The following STAB2 variants were observed in gnomAD, a reference collection of about 807,000 sequenced individuals.
STAB2 encodes the protein stabilin 2, also known as stabilin-2.
Under a neutral mutation model 338.1 loss-of-function variants are expected in STAB2, and 288 were observed. The ratio of observed to expected loss-of-function variants is 0.85; its 90% confidence interval spans 0.77 to 0.94. STAB2 has a LOEUF of 0.94. STAB2 is among the 40% of genes least tolerant of loss of function. The pLI is 0.00. For synonymous variants in STAB2, 1,202 were observed against 1,193.3 expected, an observed-to-expected ratio of 1.01 and a Z score of -0.15; for missense variants, 3,141 against 3,210.1, an observed-to-expected ratio of 0.98 and a Z score of 0.52.
At chr12:103,662,543 C>T (rs558090238) in intron 17 of STAB2, among the ~76,000 whole-genome samples, 4 of 152,284 alleles carry the variant, frequency 2.6e-5, no homozygotes, top group South Asian at 2.1e-4. Context: ...AAAGAATTTG[C>T]GCAAGGTCTC....
In STAB2 at chr12:103,594,485, T is replaced by G; in HGVS notation, c.306T>G (p.Pro102=). The part of the protein sequence containing the change: ...RKDYLQPRCC[P]GRWGPDCIEC... Reference sequence around the variant, plus strand: ...ACTATCTCCAACCTCGGTGTTGTCCTGGCCGCTGGGGCCCAGACTGTATAG... The same window carrying G: ...ACTATCTCCAACCTCGGTGTTGTCCGGGCCGCTGGGGCCCAGACTGTATAG... The change falls in exon 3 of 69, where the codon CCT becomes CCG. Residue 102 remains proline, a synonymous_variant. Coordinates refer to ENST00000388887, the MANE Select transcript of STAB2 (RefSeq NM_017564.10). The G allele has an allele frequency of 6.2e-7, 1 of 1,613,980 alleles. No homozygotes were observed. Among genetic ancestry groups the G allele is most frequent in the Non-Finnish European group, 8.5e-7 (1 of 1,179,838 alleles).
At chr12:103,697,800 T>C (rs1380652141) in intron 33 of STAB2, among the ~76,000 whole-genome samples, 1 of 152,258 alleles carries the variant, frequency 6.6e-6, no homozygotes, top group East Asian at 1.9e-4. Context: ...GATTCACTTA[T>C]GACCCCTAAA....
At chr12:103,598,159 G>A (rs1287630437) in intron 3 of STAB2, among the ~76,000 whole-genome samples, 1 of 152,078 alleles carries the variant, frequency 6.6e-6, no homozygotes, top group African/African-American at 2.4e-5. Flanking sequence ...AGTTTCCCAG[G>A]CAGACAAATC....
At position 103,622,118 on chromosome 12, in the gene STAB2, CT is replaced by C; in HGVS notation, c.487+8del. 1 of 1,614,134 alleles carries C rather than the reference CT, an allele frequency of 6.2e-7. No homozygotes were observed. ...GGACCCAGCTGTTCATCAGGTATGT[CT>C]GATTTTTGTGTAATCACCACATTTG... On this transcript the variant is annotated splice_region_variant and intron_variant, in intron 5 of 68. Coordinates refer to ENST00000388887, the MANE Select transcript of STAB2 (RefSeq NM_017564.10).
At position 103,756,649 on chromosome 12, in the gene STAB2, A is replaced by C. The variant is rs1237172571; in HGVS notation, c.6987+931A>C. On this transcript the variant is annotated intron_variant, in intron 63 of 68. Coordinates refer to ENST00000388887, the MANE Select transcript of STAB2 (RefSeq NM_017564.10). ...TTCCAGCCTCCCCCTCATGCTTTCG[A>C]GTACGGAACAAGGACAGCCTGGGCC... Among the ~76,000 whole-genome samples, 4 of 152,304 alleles carry C rather than the reference A, an allele frequency of 2.6e-5. No homozygotes were observed. The East Asian group carries it at 7.7e-4, about 29-fold the overall frequency.
At chr12:103,624,472 T>C (rs1446067330) in intron 5 of STAB2, among the ~76,000 whole-genome samples, 1 of 152,242 alleles carries the variant, frequency 6.6e-6, no homozygotes, top group Non-Finnish European at 1.5e-5. Flanking sequence ...ATGCTATCTG[T>C]GACTTCATCT....
chr12:103,657,040 C>A (rs537048205), intron 15 of STAB2, among the ~76,000 whole-genome samples: 2 of 152,172 alleles, frequency 1.3e-5, no homozygotes, highest in South Asian at 4.2e-4. Flanking sequence ...TCTTACATTG[C>A]AAACAGATGT....
intron 1 of STAB2, among the ~76,000 whole-genome samples, 169 bp downstream of exon 1, chr12:103,587,726 G>T (rs1956733431): frequency 6.6e-6 from 1 of 152,194 alleles, no homozygotes; most frequent in South Asian, 2.1e-4. Flanking sequence ...CTTTCCGAAG[G>T]TGTGCTAACC....
chr12:103,692,936 G>A, intron 31 of STAB2, 47 bp downstream of exon 31: 2 of 1,530,452 alleles, frequency 1.3e-6, no homozygotes, highest in Non-Finnish European at 1.8e-6. Context: ...TTTTCCCTTT[G>A]TTGTTTATCG....
intron 15 of STAB2, among the ~76,000 whole-genome samples, chr12:103,658,569 A>G (rs1160771010): frequency 6.6e-6 from 1 of 152,164 alleles, no homozygotes; most frequent in Non-Finnish European, 1.5e-5. Flanking sequence ...AAGCATCAGA[A>G]GACTGGAAGG....
intron 47 of STAB2, among the ~76,000 whole-genome samples, chr12:103,728,056 C>A (rs1224369056): frequency 1.3e-5 from 2 of 152,124 alleles, no homozygotes; most frequent in East Asian, 3.8e-4. Flanking sequence ...TTTGAAAGAA[C>A]TTGACACTTT....
Position 103,675,956 on chromosome 12 carries a change from G to C in STAB2, c.2581G>C (p.Asp861His), listed in dbSNP as rs201442437. 94 of 1,609,792 alleles carry C rather than the reference G, an allele frequency of 5.8e-5. No homozygotes were observed. Among genetic ancestry groups the C allele is most frequent in the Non-Finnish European group, 7.6e-5 (89 of 1,177,500 alleles). ...SCICKAGYEG[D>H]GTLCSEMDPC... is the part of the protein sequence containing the mutation. ...TATTTGCAAAGCAGGATATGAAGGA[G>C]ATGGAACTCTGTGTTCTGAGATGGA... The change falls in exon 24 of 69, where the codon GAT becomes CAT. Residue 861 changes from aspartate (D) to histidine (H), a missense_variant. Transcript: ENST00000388887.
rs1159955101 is a variant in STAB2 at position 103,730,193 on chromosome 12, A to C, written c.5160A>C (p.Ile1720=). The C allele has an allele frequency of 1.2e-6, 2 of 1,613,588 alleles. No individual in the cohort carries two copies. The highest frequency in any genetic ancestry group is 2.7e-5 in the African/African-American group (2 of 74,920). The change falls in exon 49 of 69, where the codon ATA becomes ATC. Residue 1720 remains isoleucine (I), a synonymous_variant. Transcript: ENST00000388887. Reference sequence around the variant, plus strand: ...GTACTAATGGGATTGTTCATATCATAGACAAATTGCTATCTCCCAAAAATT... The same window carrying C: ...GTACTAATGGGATTGTTCATATCATCGACAAATTGCTATCTCCCAAAAATT... The part of the protein sequence containing the change: ...IISTNGIVHI[I]DKLLSPKNLL...
intron 34 of STAB2, 51 bp downstream of exon 34, chr12:103,699,278 G>A (rs1217946920): frequency 1.3e-6 from 2 of 1,572,318 alleles, no homozygotes; most frequent in Non-Finnish European, 1.7e-6. Context: ...AATTACATCA[G>A]GGAGAGTATG....
chr12:103,629,045 ATG>A (rs1322436440), intron 5 of STAB2, among the ~76,000 whole-genome samples: 2 of 152,116 alleles, frequency 1.3e-5, no homozygotes, highest in Admixed American at 1.3e-4. Context: ...ACCGTAAAAG[ATG>A]TGGGGAAATA....
intron 50 of STAB2, 119 bp from the exon 51 acceptor site, chr12:103,732,887 A>G (rs1314301024): frequency 1.9e-5 from 23 of 1,193,402 alleles, no homozygotes; most frequent in Admixed American, 2.3e-5. Context: ...CCCTTGAACC[A>G]TCCAGAGTCC....
chr12:103,629,758 G>A (rs773784897), intron 5 of STAB2, among the ~76,000 whole-genome samples: 19 of 152,210 alleles, frequency 1.2e-4, no homozygotes, highest in Non-Finnish European at 2.5e-4. Flanking sequence ...TCATGTCATA[G>A]CATTTATCCC....
rs568865412 is a variant in STAB2 at position 103,695,400 on chromosome 12, T to C, written c.3376-150T>C. 56 of 686,996 alleles carry C rather than the reference T, an allele frequency of 8.2e-5. No individual in the cohort carries two copies. The African/African-American group carries it at 8.6e-4, about 11-fold the overall frequency. The allele number at this position is 686,996 out of a possible 1,614,324, so 42.6% of individuals were successfully genotyped here. The stretch of plus-strand genomic sequence containing the variant: ...CCTTGTCATGCTGTATCCTGGAATA[T>C]TTTTATACTGTGAGTAATCTTCAAA... On this transcript the variant is annotated intron_variant, in intron 31 of 68. Coordinates refer to ENST00000388887, the MANE Select transcript of STAB2 (RefSeq NM_017564.10).
rs775114814 is a variant in STAB2, at chr12:103,728,955, C to G, written c.5042C>G (p.Thr1681Ser). ...LENLKLISNATSLQGEPIVIS... is the reference protein window; with the variant it reads ...LENLKLISNASSLQGEPIVIS... ...AACCTGAAATTGATCTCAAATGCTA[C>G]TTCCCTCCAAGGAGAGCCAATAGTC... Residue 1681 changes from threonine to serine, a missense_variant, in exon 48 of 69, where the codon ACT becomes AGT. Coordinates refer to ENST00000388887, the MANE Select transcript of STAB2 (RefSeq NM_017564.10). The G allele has an allele frequency of 1.2e-6, 2 of 1,613,974 alleles. No homozygotes were observed. Among genetic ancestry groups the G allele is most frequent in the Non-Finnish European group, 1.7e-6 (2 of 1,179,850 alleles).
Sources: allele counts gnomAD v4.1 joint callset (sites outside exome capture counted in the v4.1 genomes callset), GRCh38; gene constraint gnomAD v4.1.1; transcripts MANE v1.5; gene names NCBI Gene and HGNC (gene_info 2026-07-23, HGNC 2026-07-21).